TBC1D24: variants seen among roughly 807,000 people sequenced by gnomAD.
TBC1D24 encodes the protein Infantile myoclonic epilepsy.
Under a neutral mutation model 50.7 loss-of-function variants are expected in TBC1D24, and 47 were observed. The ratio of observed to expected loss-of-function variants is 0.93; its 90% CI spans 0.73 to 1.18. TBC1D24 has a LOEUF of 1.18. Ranked by LOEUF, TBC1D24 falls within the 50% of genes most tolerant of loss-of-function variation. The probability of loss-of-function intolerance (pLI) is 0.00; values close to 1 mark genes in which losing one functional copy is unlikely to be tolerated. For missense variants in TBC1D24, 688 were observed against 766.5 expected, an observed-to-expected ratio of 0.90 and a Z score of 1.21; for synonymous variants, 324 against 335.2, an observed-to-expected ratio of 0.97 and a Z score of 0.36.
chr16:2,489,406 T>A (rs2065678629), intron 1 of TBC1D24, among the ~76,000 whole-genome samples: 1 of 152,104 alleles, frequency 6.6e-6, no homozygotes, highest in African/African-American at 2.4e-5. Flanking sequence ...CACTCCAGCT[T>A]GGGCGACAGA....
At chr16:2,488,740 C>T (rs1195273644) in intron 1 of TBC1D24, among the ~76,000 whole-genome samples, 2 of 148,644 alleles carry the variant, frequency 1.3e-5, no homozygotes, top group South Asian at 2.1e-4. Flanking sequence ...TGTGAGCCAC[C>T]GCACCTGGCT....
In TBC1D24 at chr16:2,485,570, G is replaced by A. The variant is rs780045696; in HGVS notation, c.-116+10400G>A. 6.6e-6 allele frequency: 1 copy of A among 152,214 alleles called. No individual in the cohort carries two copies. The highest frequency in any genetic ancestry group is 1.5e-5 in the Non-Finnish European group (1 of 68,040). The allele number at this position is 152,214 out of a possible 1,614,324, so 9.4% of individuals were successfully genotyped here. A position where few individuals can be genotyped will look rare whatever the true frequency, so the allele number is the denominator to read the frequency against. On this transcript the variant is annotated intron_variant, in intron 1 of 7. Coordinates refer to ENST00000646147, the MANE Select transcript of TBC1D24 (RefSeq NM_001199107.2). This position sits in a 1 kb window ranked among gnomAD's most constrained non-coding sequence, Gnocchi z 4.6. ...AGCAAATTCATTGAACCCAAAGCAG[G>A]GGTTGTGGGAACCCCAACTTGAAGT...
chr16:2,495,452 C>G (rs1684178362), intron 1 of TBC1D24, among the ~76,000 whole-genome samples: 1 of 152,120 alleles, frequency 6.6e-6, no homozygotes, highest in Non-Finnish European at 1.5e-5. Flanking sequence ...TCAAGACCAG[C>G]CTGGAGAGCA....
chr16:2,487,144 A>G lies in TBC1D24; in HGVS notation c.-115-8890A>G, dbSNP rs1032765671. On this transcript the variant is annotated intron_variant, in intron 1 of 7. Coordinates refer to ENST00000646147, the MANE Select transcript of TBC1D24 (RefSeq NM_001199107.2). The surrounding 1 kb of genome is among the most constrained non-coding windows in gnomAD (Gnocchi z 4.1). Reference sequence around the variant, plus strand: ...CTCGCCTTCGCCCACTCTTGCCTCCACATCTGAGGGGCACCGTCCCCACCC... The same window carrying G: ...CTCGCCTTCGCCCACTCTTGCCTCCGCATCTGAGGGGCACCGTCCCCACCC... 2.6e-5 allele frequency among the ~76,000 whole-genome samples: 4 copies of G among 152,096 alleles called. No individual in the cohort carries two copies. Among genetic ancestry groups the G allele is most frequent in the Non-Finnish European group, 5.9e-5 (4 of 68,006 alleles).
rs1403522004 is a variant in TBC1D24, at chr16:2,500,462, G to A, written c.1497G>A (p.Met499Ile). 2.5e-6 allele frequency: 4 copies of A among 1,584,784 alleles called. No homozygotes were observed. The African/African-American group carries it at 4.0e-5, about 16-fold the overall frequency. ...NLPSKTESMF[M>I]AGGSDCLIVG... ...CCTCCAAGACCGAGTCCATGTTCAT[G>A]GCGGGGGGCAGCGACTGCCTCATCG... Residue 499 changes from methionine to isoleucine, a missense_variant, in exon 7 of 8, where the codon ATG becomes ATA. Met to Ile is a conservative substitution (Grantham distance 10, BLOSUM62 1). Coordinates refer to ENST00000646147, the MANE Select transcript of TBC1D24 (RefSeq NM_001199107.2). This position sits in a 1 kb window ranked among gnomAD's most constrained non-coding sequence, Gnocchi z 8.0.
In TBC1D24 at chr16:2,496,365, G is replaced by A. The variant is rs370078844; in HGVS notation, c.217G>A (p.Val73Met). 2.9e-5 allele frequency: 46 copies of A among 1,613,342 alleles called. No homozygotes were observed. The African/African-American group carries it at 5.5e-4, about 19-fold the overall frequency. The change falls in exon 2 of 8, where the codon GTG (valine) becomes ATG (methionine). Residue 73 changes from valine (V) to methionine (M), a missense_variant. Physicochemically the swap from Val to Met is conservative, Grantham distance 21 (BLOSUM62 1). Coordinates refer to ENST00000646147, the MANE Select transcript of TBC1D24 (RefSeq NM_001199107.2). Reference sequence around the variant, plus strand: ...CCGCACGGTCACGCCTGACGCCAGCGTGTACAGCGACATCGTGGGCAAGAT... The same window carrying A: ...CCGCACGGTCACGCCTGACGCCAGCATGTACAGCGACATCGTGGGCAAGAT... ...PCRTVTPDAS[V>M]YSDIVGKIVG...
chr16:2,486,194 C>T lies in TBC1D24; in HGVS notation c.-115-9840C>T, dbSNP rs2065648657. ...TTTTGGATCCCGCCAGGGGAGCCCACTGAGAGGAGCCTGCATCTCCTATCA... is the reference window on the plus strand; with the variant it reads ...TTTTGGATCCCGCCAGGGGAGCCCATTGAGAGGAGCCTGCATCTCCTATCA... On this transcript the variant is annotated intron_variant, in intron 1 of 7. Transcript: ENST00000646147. This position sits in a 1 kb window ranked among gnomAD's most constrained non-coding sequence, Gnocchi z 5.8. 6.6e-6 allele frequency among the ~76,000 whole-genome samples: 1 copy of T among 152,216 alleles called. No homozygotes were observed. The highest frequency in any genetic ancestry group is 1.5e-5 in the Non-Finnish European group (1 of 68,022).
chr16:2,500,720 G>GCAGGA lies in TBC1D24; in HGVS notation c.1526-80_1526-76dup. Reference sequence around the variant, plus strand: ...GCGGTTTCAGAGAGGCCCGTGCAGGGCAGGACAGCTGGGACAGCAGGTGAG... The same window carrying GCAGGA: ...GCGGTTTCAGAGAGGCCCGTGCAGGGCAGGACAGGACAGCTGGGACAGCAGGTGAG... On this transcript the variant is annotated intron_variant, in intron 7 of 7. Coordinates refer to ENST00000646147, the MANE Select transcript of TBC1D24 (RefSeq NM_001199107.2). The surrounding 1 kb of genome is among the most constrained non-coding windows in gnomAD (Gnocchi z 8.0). 2 of 1,513,802 alleles carry GCAGGA rather than the reference G, an allele frequency of 1.3e-6. No individual in the cohort carries two copies. 93.8% of individuals were successfully genotyped at this position (1,513,802 alleles called of 1,614,324 possible).
intron 1 of TBC1D24, chr16:2,481,255 T>G (rs1368597805): frequency 1.3e-5 from 2 of 152,208 alleles, no homozygotes; most frequent in African/African-American, 4.8e-5. Context: ...CCTATTAAAA[T>G]GATTAGGACC....
In TBC1D24 at chr16:2,485,691, C is replaced by T. The variant is rs1162863731; in HGVS notation, c.-115-10343C>T. Among the ~76,000 whole-genome samples, 1 of 152,148 alleles carries T rather than the reference C, an allele frequency of 6.6e-6. No homozygotes were observed. Among genetic ancestry groups the T allele is most frequent in the Non-Finnish European group, 1.5e-5 (1 of 68,014 alleles). Reference sequence around the variant, plus strand: ...TGAGCTATCTCCAGGTAGATGTCTCCCGGTGTCGGGATTGAATTGGAGGAC... The same window carrying T: ...TGAGCTATCTCCAGGTAGATGTCTCTCGGTGTCGGGATTGAATTGGAGGAC... On this transcript the variant is annotated intron_variant, in intron 1 of 7. Coordinates refer to ENST00000646147, the MANE Select transcript of TBC1D24 (RefSeq NM_001199107.2). The surrounding 1 kb of genome is among the most constrained non-coding windows in gnomAD (Gnocchi z 4.6).
intron 1 of TBC1D24, chr16:2,484,607 A>G (rs567628999): frequency 6.6e-6 from 1 of 152,390 alleles, no homozygotes; most frequent in African/African-American, 2.4e-5. Context: ...CCAGGCACCT[A>G]GGAGGCACTC....
intron 1 of TBC1D24, among the ~76,000 whole-genome samples, chr16:2,493,225 G>A (rs2065710666): frequency 6.6e-6 from 1 of 151,578 alleles, no homozygotes; most frequent in East Asian, 2.0e-4. Flanking sequence ...TGCAATCTCC[G>A]CCTCCCAGGT....
rs1259586690 is a variant in TBC1D24, at chr16:2,499,141, G to C, written c.1143-216G>C. Among the ~76,000 whole-genome samples the C allele has an allele frequency of 6.6e-6, 1 of 152,166 alleles. No homozygotes were observed. Among genetic ancestry groups the C allele is most frequent in the African/African-American group, 2.4e-5 (1 of 41,442 alleles). ...CTGCACTGGGGCCTTCCACTGCAAG[G>C]CCTCTCCCCTGAGTCACACCAGGGC... On this transcript the variant is annotated intron_variant, in intron 4 of 7. Coordinates refer to ENST00000646147, the MANE Select transcript of TBC1D24 (RefSeq NM_001199107.2). This position sits in a 1 kb window ranked among gnomAD's most constrained non-coding sequence, Gnocchi z 4.0.
rs554902909 is a variant in TBC1D24, at chr16:2,500,937, C to T, written c.1659C>T (p.Phe553=). The part of the protein sequence containing the change: ...FLIAAVEAWG[F]QDPDTQ ...TTGCTGCCGTGGAGGCCTGGGGCTT[C>T]CAGGACCCTGACACCCAGTGACGGC... The change falls in exon 8 of 8, where the codon TTC becomes TTT. Residue 553 remains phenylalanine (F), a synonymous_variant. Coordinates refer to ENST00000646147, the MANE Select transcript of TBC1D24 (RefSeq NM_001199107.2). The surrounding 1 kb of genome is among the most constrained non-coding windows in gnomAD (Gnocchi z 8.0). 1.2e-6 allele frequency: 2 copies of T among 1,612,014 alleles called. No individual in the cohort carries two copies. The highest frequency in any genetic ancestry group is 2.7e-5 in the African/African-American group (2 of 75,056).
In TBC1D24 at chr16:2,499,236, C is replaced by T. The variant is rs1596971511; in HGVS notation, c.1143-121C>T. On this transcript the variant is annotated intron_variant, in intron 4 of 7. Coordinates refer to ENST00000646147, the MANE Select transcript of TBC1D24 (RefSeq NM_001199107.2). This position sits in a 1 kb window ranked among gnomAD's most constrained non-coding sequence, Gnocchi z 4.0. The stretch of plus-strand genomic sequence containing the variant: ...CCTGGGTGAGGGTGTTGTCGGGACC[C>T]AGAGAGAAGGAAGCACAGTTCCCAG... The T allele has an allele frequency of 1.1e-6, 1 of 891,460 alleles. No homozygotes were observed. The highest frequency in any genetic ancestry group is 2.6e-5 in the East Asian group (1 of 37,802). The allele number at this position is 891,460 out of a possible 1,614,324, so 55.2% of individuals were successfully genotyped here.
In TBC1D24 at chr16:2,482,358, G is replaced by T. The variant is rs780094757; in HGVS notation, c.-116+7188G>T. On this transcript the variant is annotated intron_variant, in intron 1 of 7. Coordinates refer to ENST00000646147, the MANE Select transcript of TBC1D24 (RefSeq NM_001199107.2). This position sits in a 1 kb window ranked among gnomAD's most constrained non-coding sequence, Gnocchi z 5.2. ...AGGGTGAGGACAGATGTGGACAGGA[G>T]GCGTGGAGCTCTGTGACGCCTTGGC... is the stretch of plus-strand genomic sequence containing the variant. Among the ~76,000 whole-genome samples the T allele has an allele frequency of 3.9e-5, 6 of 152,222 alleles. No homozygotes were observed. The highest frequency in any genetic ancestry group is 7.3e-5 in the Non-Finnish European group (5 of 68,052).
intron 1 of TBC1D24, among the ~76,000 whole-genome samples, chr16:2,488,494 T>TA: frequency 2.2e-5 from 2 of 90,414 alleles, no homozygotes; most frequent in African/African-American, 1.3e-4. Flanking sequence ...CGCACATAGC[T>TA]TTTTTTTTTT....
chr16:2,500,491 G>A lies in TBC1D24; in HGVS notation c.1525+1G>A, dbSNP rs1250732676. 6.4e-7 allele frequency: 1 copy of A among 1,558,244 alleles called. No individual in the cohort carries two copies. Among genetic ancestry groups the A allele is most frequent in the African/African-American group, 1.4e-5 (1 of 73,684 alleles). ...GGGGGCAGCGACTGCCTCATCGTCGGTGAGCGCCAGCAGACGGGGCTCTGG... is the reference window on the plus strand; with the variant it reads ...GGGGGCAGCGACTGCCTCATCGTCGATGAGCGCCAGCAGACGGGGCTCTGG... On this transcript the variant is annotated splice_donor_variant, in intron 7 of 7. Coordinates refer to ENST00000646147, the MANE Select transcript of TBC1D24 (RefSeq NM_001199107.2). LOFTEE classifies it high-confidence loss of function. The surrounding 1 kb of genome is among the most constrained non-coding windows in gnomAD (Gnocchi z 8.0).
rs1405021558 is a variant in TBC1D24 at position 2,486,679 on chromosome 16, T to A, written c.-115-9355T>A. Among the ~76,000 whole-genome samples, 1 of 152,228 alleles carries A rather than the reference T, an allele frequency of 6.6e-6. No homozygotes were observed. Among genetic ancestry groups the A allele is most frequent in the African/African-American group, 2.4e-5 (1 of 41,460 alleles). On this transcript the variant is annotated intron_variant, in intron 1 of 7. Transcript: ENST00000646147. This position sits in a 1 kb window ranked among gnomAD's most constrained non-coding sequence, Gnocchi z 5.8. ...GAGTGTGTGGGAGTGCCTTCTGTGC[T>A]GTGGGCCTCATCCCCAGGGCTCTAC...
Sources: allele counts gnomAD v4.1 joint callset (sites outside exome capture counted in the v4.1 genomes callset), GRCh38; gene constraint gnomAD v4.1.1; non-coding constraint Gnocchi (gnomAD v3.1); transcripts MANE v1.5; gene names NCBI Gene and HGNC (gene_info 2026-07-23, HGNC 2026-07-21).